Variants in NHSL1 observed in about 807,000 individuals in gnomAD.
NHSL1 encodes the protein NHS like 1.
NHSL1 carries 48 observed loss-of-function variants against 95.0 expected under a neutral mutation model. The observed-to-expected ratio is 0.51, with a 90% CI of 0.40 to 0.64. The LOEUF (loss-of-function observed/expected upper bound fraction) is 0.64. NHSL1 is among the 30% of genes least tolerant of loss of function. The probability of loss-of-function intolerance (pLI) is 0.00; values close to 1 mark genes in which losing one functional copy is unlikely to be tolerated. For synonymous variants in NHSL1, 783 were observed against 833.9 expected (o/e 0.94, Z 1.05); for missense variants, 1,971 against 2,077.7 (o/e 0.95, Z 1.00).
At chr6:138,454,317 A>T (rs1437120441) in intron 3 of NHSL1, among the ~76,000 whole-genome samples, 1 of 152,202 alleles carries the variant, frequency 6.6e-6, no homozygotes, top group African/African-American at 2.4e-5. Context: ...ACTGTAATTC[A>T]TTCATTTCAC....
intron 1 of NHSL1, among the ~76,000 whole-genome samples, chr6:138,666,926 C>T (rs9495194): frequency 0.027 from 4,058 of 152,198 alleles, 183 homozygotes; most frequent in African/African-American, 0.092. Context: ...AATATATTCA[C>T]GGATTCCAGA....
intron 1 of NHSL1, among the ~76,000 whole-genome samples, chr6:138,596,349 A>T (rs1784302959): frequency 1.3e-5 from 2 of 152,108 alleles, no homozygotes; most frequent in East Asian, 3.9e-4. Context: ...CAACATCTCA[A>T]CTATTGTTAA....
intron 1 of NHSL1, among the ~76,000 whole-genome samples, chr6:138,545,125 G>A (rs1056913614): frequency 1.3e-5 from 2 of 151,302 alleles, no homozygotes; most frequent in African/African-American, 4.9e-5. Context: ...CAAGTCGCTG[G>A]GATTACAGGC....
At chr6:138,469,729 G>A (rs1188554641) in intron 3 of NHSL1, among the ~76,000 whole-genome samples, 1 of 152,018 alleles carries the variant, frequency 6.6e-6, no homozygotes. Flanking sequence ...GTGAGATCCT[G>A]TCTCAAAAAC....
intron 1 of NHSL1, among the ~76,000 whole-genome samples, chr6:138,588,940 T>C (rs1467491800): frequency 6.6e-6 from 1 of 152,162 alleles, no homozygotes; most frequent in Non-Finnish European, 1.5e-5. Context: ...CCGCCTTCCA[T>C]ATGGAGCCAC....
Position 138,431,093 on chromosome 6 carries a change from G to T in NHSL1, c.3252C>A (p.Asn1084Lys). The change falls in exon 6 of 8, where the codon AAC becomes AAA. Residue 1084 changes from asparagine (N) to lysine (K), a missense_variant. Physicochemically the swap from Asn to Lys is moderately conservative, Grantham distance 94. Around this residue, in one of 3 missense-constraint regions of NHSL1, gnomAD observed 1,602 missense variants for 1,654.5 expected, o/e 0.97. Transcript: ENST00000343505. This position sits in a 1 kb window ranked among gnomAD's most constrained non-coding sequence, Gnocchi z 4.0. ...ACAACTGTGCCGCCTCAGCGCCTGA[G>T]TTCTTTCTCACGGGCCTCAACTGCA... ...QMVQLRPVRK[N>K]SGAEAAQLSE... The T allele has an allele frequency of 6.4e-7, 1 of 1,551,920 alleles. No homozygotes were observed. The highest frequency in any genetic ancestry group is 8.7e-7 in the Non-Finnish European group (1 of 1,147,050).
At chr6:138,609,320 G>A (rs1215709002) in intron 1 of NHSL1, among the ~76,000 whole-genome samples, 1 of 152,170 alleles carries the variant, frequency 6.6e-6, no homozygotes, top group Non-Finnish European at 1.5e-5. Context: ...GAGACGCAGA[G>A]TCGAGGCTGC....
At chr6:138,625,201 T>C (rs1784720348) in intron 1 of NHSL1, among the ~76,000 whole-genome samples, 1 of 152,110 alleles carries the variant, frequency 6.6e-6, no homozygotes, top group South Asian at 2.1e-4. Flanking sequence ...TGGAGTGCAG[T>C]GTGTGATCTC....
rs780725653 is a variant in NHSL1, at chr6:138,447,154, T to C, written c.379A>G (p.Ile127Val). ...GAGGCTGGTGTTTTAGGTCTCCTGATGGAAATAAATCTTTCTTCTTCTGAT... is the reference window on the plus strand; with the variant it reads ...GAGGCTGGTGTTTTAGGTCTCCTGACGGAAATAAATCTTTCTTCTTCTGAT... ...SSSEEERFIS[I>V]RRPKTPASSD... Residue 127 changes from isoleucine (I) to valine (V), a missense_variant, in exon 4 of 8, where the codon ATC (isoleucine) becomes GTC (valine). Physicochemically the swap from Ile to Val is conservative, Grantham distance 29. This residue lies in a region of NHSL1 where 1,602 missense variants were observed against 1,654.5 expected (regional missense o/e 0.97). Coordinates refer to ENST00000343505, the MANE Select transcript of NHSL1 (RefSeq NM_001144060.2). 1.3e-6 allele frequency: 2 copies of C among 1,551,614 alleles called. No individual in the cohort carries two copies. The highest frequency in any genetic ancestry group is 2.0e-5 in the Admixed American group (1 of 51,006).
intron 1 of NHSL1, among the ~76,000 whole-genome samples, chr6:138,570,407 A>G (rs529700630): frequency 6.6e-6 from 1 of 152,382 alleles, no homozygotes; most frequent in East Asian, 1.9e-4. Flanking sequence ...TCACGGACTT[A>G]CTAAACTATA....
chr6:138,651,503 C>A (rs1785093020), intron 1 of NHSL1, among the ~76,000 whole-genome samples: 1 of 152,214 alleles, frequency 6.6e-6, no homozygotes, highest in African/African-American at 2.4e-5. Context: ...CTTCAATGCT[C>A]ACTCAGAAAT....
At chr6:138,651,579 C>T (rs554612557) in intron 1 of NHSL1, among the ~76,000 whole-genome samples, 6 of 152,188 alleles carry the variant, frequency 3.9e-5, no homozygotes, top group South Asian at 4.1e-4. Context: ...GGAAGGTGAA[C>T]GGAAAGGAAT....
intron 1 of NHSL1, among the ~76,000 whole-genome samples, chr6:138,628,288 G>A (rs1181140123): frequency 1.3e-5 from 2 of 149,954 alleles, no homozygotes; most frequent in Non-Finnish European, 3.0e-5. Flanking sequence ...TCCAGCCTGG[G>A]CAACAAGAGT....
chr6:138,577,849 A>T (rs1477786166), intron 1 of NHSL1, among the ~76,000 whole-genome samples: 1 of 152,150 alleles, frequency 6.6e-6, no homozygotes, highest in African/African-American at 2.4e-5. Context: ...ATTTATAATT[A>T]AAAAAACAAA....
At chr6:138,559,965 C>T (rs1407352812) in intron 1 of NHSL1, among the ~76,000 whole-genome samples, 1 of 152,210 alleles carries the variant, frequency 6.6e-6, no homozygotes, top group East Asian at 1.9e-4. Context: ...TTTAAACTCT[C>T]TGACTTAAAA....
At chr6:138,598,609 G>A (rs1350959359) in intron 1 of NHSL1, among the ~76,000 whole-genome samples, 1 of 113,630 alleles carries the variant, frequency 8.8e-6, no homozygotes, top group African/African-American at 3.5e-5. Flanking sequence ...GGACAACAAA[G>A]CAAGACTTCA....
chr6:138,456,846 G>A, intron 3 of NHSL1, among the ~76,000 whole-genome samples: 1 of 151,862 alleles, frequency 6.6e-6, no homozygotes, highest in Non-Finnish European at 1.5e-5. Flanking sequence ...TGATTTCAGA[G>A]TTGAATGAAA....
chr6:138,539,759 G>C (rs1782507868), intron 1 of NHSL1, among the ~76,000 whole-genome samples: 3 of 152,168 alleles, frequency 2.0e-5, no homozygotes, highest in Non-Finnish European at 2.9e-5. Context: ...CTTGCACAGA[G>C]CATGCTCCAG....
At chr6:138,566,189 G>A (rs1783608523) in intron 1 of NHSL1, among the ~76,000 whole-genome samples, 1 of 152,098 alleles carries the variant, frequency 6.6e-6, no homozygotes. Flanking sequence ...CCTGAGGTCA[G>A]GAGTTCAAGA....
Sources: allele counts gnomAD v4.1 joint callset (sites outside exome capture counted in the v4.1 genomes callset), GRCh38; gene constraint gnomAD v4.1.1; regional missense constraint gnomAD v4.1.1; non-coding constraint Gnocchi (gnomAD v3.1); transcripts MANE v1.5; gene names NCBI Gene and HGNC (gene_info 2026-07-23, HGNC 2026-07-21).